Variants in KLHDC8B observed in about 807,000 individuals in gnomAD.
KLHDC8B encodes kelch domain containing 8B.
KLHDC8B carries 19 observed loss-of-function variants against 26.3 expected under a neutral mutation model. The observed-to-expected ratio is 0.72, with a 90% CI of 0.50 to 1.06. The LOEUF is 1.06. Among genes scored for constraint, KLHDC8B ranks in the 50% least tolerant of loss-of-function variants. The probability of loss-of-function intolerance (pLI) is 0.00; values close to 1 mark genes in which losing one functional copy is unlikely to be tolerated. For synonymous variants in KLHDC8B, 150 were observed against 188.4 expected, an observed-to-expected ratio of 0.80 and a Z score of 1.67; for missense variants, 411 against 488.1, an observed-to-expected ratio of 0.84 and a Z score of 1.49.
intron 2 of KLHDC8B, 147 bp from the exon 3 acceptor site, chr3:49,174,092 G>A: frequency 3.7e-6 from 2 of 538,150 alleles, no homozygotes; most frequent in South Asian, 6.2e-5. Flanking sequence ...AGCCCCCACT[G>A]CAGGCAGGTA....
At position 49,176,436 on chromosome 3, in the gene KLHDC8B, G is replaced by GT. The variant is rs1276854563; in HGVS notation, c.*636dup. 1 of 152,446 alleles carries GT rather than the reference G, an allele frequency of 6.6e-6. No homozygotes were observed. The highest frequency in any genetic ancestry group is 2.4e-5 in the African/African-American group (1 of 41,436). 9.4% of individuals were successfully genotyped at this position (152,446 alleles called of 1,614,324 possible). A position where few individuals can be genotyped will look rare whatever the true frequency, so the allele number is the denominator to read the frequency against. ...ACCCTACCTACCTCACAGGGCTGTTGTGAGGACCCAGGGAGTTTGGATGTG... is the reference window on the plus strand; with the variant it reads ...ACCCTACCTACCTCACAGGGCTGTTGTTGAGGACCCAGGGAGTTTGGATGTG... On this transcript the variant is annotated 3_prime_UTR_variant, in exon 6 of 6. Transcript: ENST00000332780.
chr3:49,173,970 A>T (rs2045794411), intron 2 of KLHDC8B, among the ~76,000 whole-genome samples: 1 of 152,034 alleles, frequency 6.6e-6, no homozygotes, highest in African/African-American at 2.4e-5. Context: ...TGGATGCCAG[A>T]CTCTGTTGCC....
intron 3 of KLHDC8B, 47 bp downstream of exon 3, chr3:49,174,450 C>G: frequency 6.4e-7 from 1 of 1,572,528 alleles, no homozygotes; most frequent in Non-Finnish European, 8.7e-7. Flanking sequence ...TCTAGAAATC[C>G]TCATCCTCAT....
Position 49,173,130 on chromosome 3 carries a change from G to C in KLHDC8B, c.361G>C (p.Ala121Pro), listed in dbSNP as rs1191405121. Residue 121 changes from alanine (A) to proline (P), a missense_variant, in exon 2 of 6, where the codon GCA (alanine) becomes CCA (proline). Coordinates refer to ENST00000332780, the MANE Select transcript of KLHDC8B (RefSeq NM_173546.3). ...CCTCCCTCAAGCAGCCATGGGGGTTGCAACTGTGGAGAGAGGTGAGTGGCC... is the reference window on the plus strand; with the variant it reads ...CCTCCCTCAAGCAGCCATGGGGGTTCCAACTGTGGAGAGAGGTGAGTGGCC... ...ATLPQAAMGV[A>P]TVERDGMVYA... 6.4e-7 allele frequency: 1 copy of C among 1,571,798 alleles called. No homozygotes were observed. Among genetic ancestry groups the C allele is most frequent in the African/African-American group, 1.4e-5 (1 of 73,936 alleles).
At position 49,174,109 on chromosome 3, in the gene KLHDC8B, T is replaced by TCTA. The variant is rs1053420153; in HGVS notation, c.377-130_377-129insCTA. 2.0e-5 allele frequency: 12 copies of TCTA among 594,362 alleles called. No individual in the cohort carries two copies. In the Middle Eastern group the frequency reaches 1.2e-3, roughly 60 times the overall value. 36.8% of individuals were successfully genotyped at this position (594,362 alleles called of 1,614,324 possible). A position where few individuals can be genotyped will look rare whatever the true frequency, so the allele number is the denominator to read the frequency against. The stretch of plus-strand genomic sequence containing the variant: ...CCCCCACTGCAGGCAGGTAGTAGAG[T>TCTA]GTCTGTTGCTGGGGAGGGATGCTAT... On this transcript the variant is annotated intron_variant, in intron 2 of 5. Transcript: ENST00000332780.
At chr3:49,173,314 T>C (rs2045787272) in intron 2 of KLHDC8B, 169 bp downstream of exon 2, 3 of 714,994 alleles carry the variant, frequency 4.2e-6, no homozygotes, top group Non-Finnish European at 6.8e-6. Flanking sequence ...AGCTGCTGCC[T>C]TCTATTAACT....
chr3:49,174,538 C>A, intron 3 of KLHDC8B, 135 bp downstream of exon 3: 1 of 1,180,144 alleles, frequency 8.5e-7, no homozygotes, highest in Non-Finnish European at 1.2e-6. Context: ...TCCATGCCTG[C>A]TCTGAGGCTC....
At position 49,175,644 on chromosome 3, in the gene KLHDC8B, G is replaced by C. The variant is rs544028187; in HGVS notation, c.908G>C (p.Ser303Thr). 6.3e-7 allele frequency: 1 copy of C among 1,599,878 alleles called. No homozygotes were observed. Among genetic ancestry groups the C allele is most frequent in the East Asian group, 2.2e-5 (1 of 44,788 alleles). ...CCTTTGGGCTCTGTGGAGAGCTTTA[G>C]CCTTGCACGGCGGCGCTGGGAGGCA... ...PCPLGSVESF[S>T]LARRRWEALP... The change falls in exon 6 of 6, where the codon AGC becomes ACC. Residue 303 changes from serine (S) to threonine (T), a missense_variant. Ser to Thr is a moderately conservative substitution (Grantham distance 58). Transcript: ENST00000332780.
rs778852918 is a variant in KLHDC8B at position 49,173,006 on chromosome 3, G to A, written c.237G>A (p.Lys79=). The A allele has an allele frequency of 6.2e-7, 1 of 1,613,834 alleles. No homozygotes were observed. The highest frequency in any genetic ancestry group is 1.1e-5 in the South Asian group (1 of 91,060). ...RAGAAAVVLG[K]QVLVVGGVDE... is the part of the protein sequence containing the mutation. Reference sequence around the variant, plus strand: ...GTGCAGCTGCGGTAGTTCTGGGCAAGCAGGTGCTAGTGGTGGGTGGTGTGG... The same window carrying A: ...GTGCAGCTGCGGTAGTTCTGGGCAAACAGGTGCTAGTGGTGGGTGGTGTGG... The change falls in exon 2 of 6, where the codon AAG becomes AAA. Residue 79 remains lysine (K), a synonymous_variant. Coordinates refer to ENST00000332780, the MANE Select transcript of KLHDC8B (RefSeq NM_173546.3).
At chr3:49,173,741 G>C (rs1283298650) in intron 2 of KLHDC8B, among the ~76,000 whole-genome samples, 3 of 152,122 alleles carry the variant, frequency 2.0e-5, no homozygotes, top group African/African-American at 7.2e-5. Flanking sequence ...CAGAAGGCTT[G>C]TGGACAGTAT....
Position 49,174,938 on chromosome 3 carries a change from CACTGTGG to C in KLHDC8B, c.740_746del (p.Thr247ArgfsTer19). ...TCTACTCTCGCCCACACTTTGTCAA[CACTGTGG>C]AGATGTTTGACCTGGAGCATGGTGA... is the stretch of plus-strand genomic sequence containing the variant. On this transcript the variant is annotated frameshift_variant, in exon 4 of 6. Transcript: ENST00000332780. LOFTEE classifies it high-confidence loss of function. 1.2e-6 allele frequency: 2 copies of C among 1,614,156 alleles called. No homozygotes were observed. Among genetic ancestry groups the C allele is most frequent in the Non-Finnish European group, 1.7e-6 (2 of 1,180,052 alleles).
intron 2 of KLHDC8B, among the ~76,000 whole-genome samples, chr3:49,173,782 C>T (rs2045792236): frequency 6.6e-6 from 1 of 152,190 alleles, no homozygotes; most frequent in Admixed American, 6.5e-5. Context: ...CCATTCCTCT[C>T]CCAGCCCCAT....
In KLHDC8B at chr3:49,175,668, C is replaced by T; in HGVS notation, c.932C>T (p.Ala311Val). 1 of 1,610,906 alleles carries T rather than the reference C, an allele frequency of 6.2e-7. No homozygotes were observed. Among genetic ancestry groups the T allele is most frequent in the Non-Finnish European group, 8.5e-7 (1 of 1,178,134 alleles). The change falls in exon 6 of 6, where the codon GCA (alanine) becomes GTA (valine). Residue 311 changes from alanine to valine, a missense_variant. Ala to Val is a moderately conservative substitution (Grantham distance 64). Coordinates refer to ENST00000332780, the MANE Select transcript of KLHDC8B (RefSeq NM_173546.3). ...AGCCTTGCACGGCGGCGCTGGGAGGCATTGCCTGCCATGCCCACTGCCCGC... is the reference window on the plus strand; with the variant it reads ...AGCCTTGCACGGCGGCGCTGGGAGGTATTGCCTGCCATGCCCACTGCCCGC... ...SFSLARRRWEALPAMPTARCS... is the reference protein window; with the variant it reads ...SFSLARRRWEVLPAMPTARCS...
Position 49,174,786 on chromosome 3 carries a change from G to T in KLHDC8B, c.586G>T (p.Asp196Tyr), listed in dbSNP as rs561899060. ...CCCGGTGACTGCTTTTGAAGCCTTTGATCTGGAGGCCCGTACATGGACCCG... is the reference window on the plus strand; with the variant it reads ...CCCGGTGACTGCTTTTGAAGCCTTTTATCTGGAGGCCCGTACATGGACCCG... ...KLPVTAFEAF[D>Y]LEARTWTRHP... Residue 196 changes from aspartate to tyrosine, a missense_variant, in exon 4 of 6, where the codon GAT (aspartate) becomes TAT (tyrosine). Coordinates refer to ENST00000332780, the MANE Select transcript of KLHDC8B (RefSeq NM_173546.3). 6.2e-7 allele frequency: 1 copy of T among 1,613,520 alleles called. No homozygotes were observed. The highest frequency in any genetic ancestry group is 1.1e-5 in the South Asian group (1 of 91,060).
Position 49,174,419 on chromosome 3 carries a change from A to G in KLHDC8B, c.541+16A>G. 1 of 1,602,148 alleles carries G rather than the reference A, an allele frequency of 6.2e-7. No homozygotes were observed. The highest frequency in any genetic ancestry group is 2.2e-5 in the East Asian group (1 of 44,518). On this transcript the variant is annotated intron_variant, in intron 3 of 5. Transcript: ENST00000332780. Reference sequence around the variant, plus strand: ...TATGTCCTGGGTAAGGGCCTGGGGAATGTGGGAAGGGGGCTCAGAGTCTAG... The same window carrying G: ...TATGTCCTGGGTAAGGGCCTGGGGAGTGTGGGAAGGGGGCTCAGAGTCTAG...
At chr3:49,175,290 C>T (rs1031223838) in intron 5 of KLHDC8B, 127 bp downstream of exon 5, 4 of 743,586 alleles carry the variant, frequency 5.4e-6, no homozygotes, top group African/African-American at 1.8e-5. Context: ...GCTCTTTTCC[C>T]TATCTATGAA....
At chr3:49,175,184 G>A in intron 5 of KLHDC8B, 21 bp downstream of exon 5, 2 of 1,588,044 alleles carry the variant, frequency 1.3e-6, no homozygotes, top group Non-Finnish European at 1.7e-6. Context: ...ATGGGGCTGG[G>A]GAGAGGAGGG....
rs765867706 is a variant in KLHDC8B at position 49,175,621 on chromosome 3, T to C, written c.885T>C (p.Pro295=). Reference sequence around the variant, plus strand: ...TTCTTGCAGGAAACCAGCCATGTCCTTTGGGCTCTGTGGAGAGCTTTAGCC... The same window carrying C: ...TTCTTGCAGGAAACCAGCCATGTCCCTTGGGCTCTGTGGAGAGCTTTAGCC... ...AIGGLGNQPC[P]LGSVESFSLA... is the part of the protein sequence containing the mutation. Residue 295 remains proline (P), a synonymous_variant, in exon 6 of 6, where the codon CCT becomes CCC. Coordinates refer to ENST00000332780, the MANE Select transcript of KLHDC8B (RefSeq NM_173546.3). 3.2e-6 allele frequency: 5 copies of C among 1,569,014 alleles called. No individual in the cohort carries two copies. In the African/African-American group the frequency reaches 6.8e-5, roughly 21 times the overall value.
rs1187870087 is a variant in KLHDC8B at position 49,176,156 on chromosome 3, T to G, written c.*355T>G. 4.7e-6 allele frequency: 1 copy of G among 210,940 alleles called. No individual in the cohort carries two copies. The highest frequency in any genetic ancestry group is 9.4e-6 in the Non-Finnish European group (1 of 106,868). The allele number at this position is 210,940 out of a possible 1,614,324, so 13.1% of individuals were successfully genotyped here. On this transcript the variant is annotated 3_prime_UTR_variant, in exon 6 of 6. Coordinates refer to ENST00000332780, the MANE Select transcript of KLHDC8B (RefSeq NM_173546.3). Reference sequence around the variant, plus strand: ...TGGAGTTGACCAGGCCTACCCCAGTTGCCATTCCTGAAAAATCTCAGCTGC... The same window carrying G: ...TGGAGTTGACCAGGCCTACCCCAGTGGCCATTCCTGAAAAATCTCAGCTGC...
Sources: gnomAD v4.1 joint callset for allele counts (sites outside exome capture counted in the v4.1 genomes callset) on GRCh38, gnomAD v4.1.1 for gene constraint, MANE v1.5 for transcripts, NCBI Gene and HGNC (gene_info 2026-07-23, HGNC 2026-07-21) for gene names.